Variants in DLGAP2 observed in about 807,000 individuals in gnomAD.
DLGAP2 encodes the protein disks large-associated protein 2.
DLGAP2 carries 26 observed loss-of-function variants against 100.3 expected under a neutral mutation model. The ratio of observed to expected loss-of-function variants is 0.26; its 90% CI spans 0.19 to 0.36. DLGAP2 has a LOEUF of 0.36. Ranked by LOEUF, DLGAP2 falls within the 10% of genes least tolerant of loss-of-function variation. DLGAP2 has a pLI of 1.00. For missense variants in DLGAP2, 1,858 were observed against 1,453.2 expected (o/e 1.28, Z -4.53); for synonymous variants, 886 against 630.1 (o/e 1.41, Z -6.08).
At chr8:1,236,299 A>G (rs571939945) in intron 2 of DLGAP2, among the ~76,000 whole-genome samples, 262 of 41,848 alleles carry the variant, frequency 6.3e-3, no homozygotes, top group Middle Eastern at 0.021. Flanking sequence ...CGCCGTGTCT[A>G]GTTCTCTCAC....
At chr8:1,407,951 C>T (rs1169494265) in intron 3 of DLGAP2, among the ~76,000 whole-genome samples, 2 of 152,188 alleles carry the variant, frequency 1.3e-5, no homozygotes, top group Non-Finnish European at 2.9e-5. Context: ...CCAGCATTTC[C>T]TTGTTGGGGG....
intron 2 of DLGAP2, among the ~76,000 whole-genome samples, chr8:965,730 A>G (rs1255122500): frequency 1.1e-4 from 14 of 128,624 alleles, no homozygotes; most frequent in South Asian, 2.7e-4. Context: ...TGCACACGGC[A>G]CTGTTCACCT....
chr8:1,446,907 G>A (rs1003106078), intron 3 of DLGAP2, among the ~76,000 whole-genome samples: 1 of 152,182 alleles, frequency 6.6e-6, no homozygotes, highest in Non-Finnish European at 1.5e-5. Context: ...TGTTATTGGT[G>A]TATAAGAATG....
At chr8:1,543,426 C>T (rs765050057) in intron 4 of DLGAP2, among the ~76,000 whole-genome samples, 16 of 152,152 alleles carry the variant, frequency 1.1e-4, no homozygotes, top group Non-Finnish European at 1.9e-4. Flanking sequence ...GTTATCCTAG[C>T]ATTATTTGTA....
chr8:1,658,402 T>C (rs574108229), intron 8 of DLGAP2, among the ~76,000 whole-genome samples: 1 of 152,360 alleles, frequency 6.6e-6, no homozygotes, highest in South Asian at 2.1e-4. Flanking sequence ...TTTTTATATA[T>C]ATACTTTAAG....
intron 1 of DLGAP2, among the ~76,000 whole-genome samples, chr8:849,165 C>T (rs1797132814): frequency 6.6e-6 from 1 of 151,132 alleles, no homozygotes; most frequent in Non-Finnish European, 1.5e-5. Context: ...TAGGAACATG[C>T]CAGGGTTTGT....
rs530675838 is a variant in DLGAP2 at position 1,367,567 on chromosome 8, C to T, written c.106+108684C>T. On this transcript the variant is annotated intron_variant, in intron 3 of 14. Coordinates refer to ENST00000637795, the MANE Select transcript of DLGAP2 (RefSeq NM_001346810.2). ...CAGTGGGATCGTTGTCACCTCCCCT[C>T]TAGAGCTGCTTTCACCATTCTAAAA... Among the ~76,000 whole-genome samples the T allele has an allele frequency of 2.6e-5, 4 of 152,350 alleles. No homozygotes were observed. In the East Asian group the frequency reaches 5.8e-4, roughly 22 times the overall value.
chr8:1,340,881 A>G (rs1246479909), intron 3 of DLGAP2, among the ~76,000 whole-genome samples: 1 of 152,250 alleles, frequency 6.6e-6, no homozygotes, highest in African/African-American at 2.4e-5. Context: ...GTATATGTAC[A>G]CCATGGAATA....
At chr8:1,317,786 G>A (rs144074305) in intron 3 of DLGAP2, among the ~76,000 whole-genome samples, 2,791 of 78,164 alleles carry the variant, frequency 0.036, 560 homozygotes, top group Admixed American at 0.04. Context: ...CGAGACACTC[G>A]TCAGTGTTAA....
intron 3 of DLGAP2, among the ~76,000 whole-genome samples, chr8:1,497,661 A>T (rs1279720254): frequency 6.6e-6 from 1 of 152,210 alleles, no homozygotes; most frequent in Non-Finnish European, 1.5e-5. Context: ...GTAAGGAAGA[A>T]CATGGCTCTA....
At chr8:1,260,911 C>A (rs1799334252) in intron 3 of DLGAP2, among the ~76,000 whole-genome samples, 1 of 152,212 alleles carries the variant, frequency 6.6e-6, no homozygotes, top group Admixed American at 6.5e-5. Context: ...GACGTCAGGC[C>A]AGAGTGCGTG....
In DLGAP2 at chr8:1,203,062, C is replaced by G. The variant is rs559697026; in HGVS notation, c.74-55789C>G. 5.3e-4 allele frequency among the ~76,000 whole-genome samples: 80 copies of G among 152,342 alleles called. 1 individual carries two copies. The highest frequency in any genetic ancestry group is 1.2e-3 in the Admixed American group (19 of 15,308). On this transcript the variant is annotated intron_variant, in intron 2 of 14. Transcript: ENST00000637795. ...ATCCACGCCGGTTCCGTAAGCTGCTCTCCGGCTCTCCCAAATGGGCTGCTT... is the reference window on the plus strand; with the variant it reads ...ATCCACGCCGGTTCCGTAAGCTGCTGTCCGGCTCTCCCAAATGGGCTGCTT...
Position 1,487,757 on chromosome 8 carries a change from C to A in DLGAP2, c.107-13609C>A, listed in dbSNP as rs79112676. Among the ~76,000 whole-genome samples the A allele has an allele frequency of 8.0e-3, 1,214 of 152,344 alleles. 46 individuals carry two copies. The East Asian group carries it at 0.11, about 14-fold the overall frequency. On this transcript the variant is annotated intron_variant, in intron 3 of 14. Coordinates refer to ENST00000637795, the MANE Select transcript of DLGAP2 (RefSeq NM_001346810.2). ...TGCTGCGTCCCAAGCATGCACCACA[C>A]AGCACCGATTCTCAGGTCCTCATCC...
chr8:1,237,541 T>TAC (rs1798689756), intron 2 of DLGAP2, among the ~76,000 whole-genome samples: 1 of 141,520 alleles, frequency 7.1e-6, no homozygotes, highest in Non-Finnish European at 1.5e-5. Flanking sequence ...CGTGTCTAGT[T>TAC]CTCTCACATG....
Position 1,269,920 on chromosome 8 carries a change from C to A in DLGAP2, c.106+11037C>A, listed in dbSNP as rs574287305. On this transcript the variant is annotated intron_variant, in intron 3 of 14. Coordinates refer to ENST00000637795, the MANE Select transcript of DLGAP2 (RefSeq NM_001346810.2). ...AATAAATTGAACTAAATCTTCATCTCCTCTTCATGGACCGTGGAGAGGCAC... is the reference window on the plus strand; with the variant it reads ...AATAAATTGAACTAAATCTTCATCTACTCTTCATGGACCGTGGAGAGGCAC... Among the ~76,000 whole-genome samples, 4 of 152,200 alleles carry A rather than the reference C, an allele frequency of 2.6e-5. No homozygotes were observed. In the South Asian group the frequency reaches 8.3e-4, roughly 32 times the overall value.
intron 3 of DLGAP2, among the ~76,000 whole-genome samples, chr8:1,291,877 C>A (rs1167897363): frequency 6.6e-6 from 1 of 152,180 alleles, no homozygotes. Flanking sequence ...CCAGCCTTCT[C>A]TCCAGTCTTG....
intron 12 of DLGAP2, among the ~76,000 whole-genome samples, chr8:1,679,769 G>A (rs1798899622): frequency 6.6e-6 from 1 of 152,122 alleles, no homozygotes; most frequent in Admixed American, 6.5e-5. Flanking sequence ...ATGGCCTGAG[G>A]TCAGGAGTTA....
At chr8:1,350,438 G>C (rs67115812) in intron 3 of DLGAP2, among the ~76,000 whole-genome samples, 37 of 64,714 alleles carry the variant, frequency 5.7e-4, no homozygotes, top group African/African-American at 1.5e-3. Flanking sequence ...CGGGTCCTGA[G>C]TGTGCGTGGA....
intron 6 of DLGAP2, among the ~76,000 whole-genome samples, chr8:1,581,371 ACAGT>A (rs1402331396): frequency 2.0e-5 from 3 of 151,644 alleles, no homozygotes; most frequent in Admixed American, 2.0e-4. Context: ...TACACACACC[ACAGT>A]CAAACTACCA....
Sources: allele counts gnomAD v4.1 joint callset (sites outside exome capture counted in the v4.1 genomes callset), GRCh38; gene constraint gnomAD v4.1.1; transcripts MANE v1.5; gene names NCBI Gene and HGNC (gene_info 2026-07-23, HGNC 2026-07-21).